Variants in FMN1 observed in about 807,000 individuals in gnomAD.
The protein encoded by FMN1 is formin 1.
Under a neutral mutation model 132.4 loss-of-function variants are expected in FMN1, and 110 were observed. That is an observed-to-expected ratio of 0.83 (90% CI 0.71 to 0.97). FMN1 has a LOEUF of 0.97. Among genes scored for constraint, FMN1 ranks in the 50% least tolerant of loss-of-function variants. The pLI, the probability that FMN1 is intolerant of heterozygous loss-of-function variation, is 0.00. For synonymous variants in FMN1, 722 were observed against 651.7 expected (o/e 1.11, Z -1.64); for missense variants, 1,792 against 1,705.3 (o/e 1.05, Z -0.90).
At chr15:33,095,739 G>C (rs1253745665) in intron 4 of FMN1, among the ~76,000 whole-genome samples, 1 of 152,042 alleles carries the variant, frequency 6.6e-6, no homozygotes, top group African/African-American at 2.4e-5. Flanking sequence ...AAGTAAATTT[G>C]AATAACATTT....
intron 9 of FMN1, among the ~76,000 whole-genome samples, chr15:32,963,776 AT>A (rs1047848593): frequency 1.1e-4 from 16 of 152,198 alleles, no homozygotes; most frequent in African/African-American, 3.9e-4. Flanking sequence ...TCCAGATTAA[AT>A]TTTGAAAATT....
At chr15:33,138,732 T>C (rs1963878966) in intron 4 of FMN1, among the ~76,000 whole-genome samples, 1 of 152,196 alleles carries the variant, frequency 6.6e-6, no homozygotes, top group African/African-American at 2.4e-5. Flanking sequence ...CTGGCTCAGA[T>C]ATCGGTTCAC....
At chr15:32,849,077 G>T (rs1038273195) in intron 17 of FMN1, among the ~76,000 whole-genome samples, 1 of 138,756 alleles carries the variant, frequency 7.2e-6, no homozygotes, top group Non-Finnish European at 1.5e-5. Context: ...TCTGCCTCCC[G>T]GGTTCATGCC....
chr15:33,140,193 AACACAC>A (rs61485667), intron 4 of FMN1, among the ~76,000 whole-genome samples: 1,507 of 142,928 alleles, frequency 0.011, 18 homozygotes, highest in African/African-American at 0.031. Flanking sequence ...CCTATGGTTA[AACACAC>A]ACACACACAC....
chr15:32,846,081 T>A (rs899857591), intron 17 of FMN1, among the ~76,000 whole-genome samples: 6 of 152,172 alleles, frequency 3.9e-5, no homozygotes, highest in African/African-American at 1.4e-4. Context: ...TCTCACTACA[T>A]TCAGATCACT....
intron 6 of FMN1, among the ~76,000 whole-genome samples, chr15:33,047,217 T>C (rs2036729268): frequency 6.6e-6 from 1 of 152,240 alleles, no homozygotes; most frequent in Non-Finnish European, 1.5e-5. Flanking sequence ...GCTTCCCTTC[T>C]TATATCTTCC....
At position 32,964,098 on chromosome 15, in the gene FMN1, A is replaced by C. The variant is rs1446997555; in HGVS notation, c.3138+9T>G. The C allele has an allele frequency of 6.2e-7, 1 of 1,604,676 alleles. No individual in the cohort carries two copies. The highest frequency in any genetic ancestry group is 8.5e-7 in the Non-Finnish European group (1 of 1,174,532). ...ATATAATTACAGCTTTGCCATAATC[A>C]CTCAGTACCTTTTTGACCTTGTTTT... On this transcript the variant is annotated intron_variant, in intron 9 of 20. Transcript: ENST00000616417.
chr15:32,790,243 C>A (rs993882461), intron 19 of FMN1, among the ~76,000 whole-genome samples: 2 of 152,150 alleles, frequency 1.3e-5, no homozygotes, highest in Non-Finnish European at 2.9e-5. Flanking sequence ...GTCTATGTAG[C>A]CAAATTCATC....
chr15:33,061,099 T>C (rs1359722275), intron 6 of FMN1, among the ~76,000 whole-genome samples: 1 of 152,164 alleles, frequency 6.6e-6, no homozygotes, highest in African/African-American at 2.4e-5. Flanking sequence ...GGACCTAAAA[T>C]ACATGTTAAA....
intron 4 of FMN1, among the ~76,000 whole-genome samples, chr15:33,124,926 T>TGC (rs1962909265): frequency 1.3e-5 from 2 of 152,082 alleles, no homozygotes. Context: ...AGATACTATG[T>TGC]GCCACTCCCC....
Position 33,153,281 on chromosome 15 carries a change from C to A in FMN1, c.1634G>T (p.Gly545Val). Residue 545 changes from glycine to valine, a missense_variant, in exon 4 of 21, where the codon GGT (glycine) becomes GTT (valine). Gly to Val is a moderately radical substitution (Grantham distance 109). Coordinates refer to ENST00000616417, the MANE Select transcript of FMN1 (RefSeq NM_001277313.2). ...HRILRLPALP[G>V]EREAALNDSP... is the part of the protein sequence containing the mutation. Reference sequence around the variant, plus strand: ...GTCATTAAGAGCAGCTTCCCTCTCACCAGGCAATGCAGGGAGCCGGAGGAT... The same window carrying A: ...GTCATTAAGAGCAGCTTCCCTCTCAACAGGCAATGCAGGGAGCCGGAGGAT... The A allele has an allele frequency of 1.3e-6, 2 of 1,536,196 alleles. No individual in the cohort carries two copies. Among genetic ancestry groups the A allele is most frequent in the African/African-American group, 1.4e-5 (1 of 73,168 alleles).
chr15:32,968,817 C>G lies in FMN1; in HGVS notation c.2884G>C (p.Gly962Arg). 6.4e-7 allele frequency: 1 copy of G among 1,560,602 alleles called. No homozygotes were observed. Among genetic ancestry groups the G allele is most frequent in the Non-Finnish European group, 8.7e-7 (1 of 1,146,636 alleles). ...CATTGACTGGAAGAAGAGCCAAGTC[C>G]AAAGAAGAGTCCAGGGGGAGGTGGG... ...APPPPPGLFFGLGSSSSQCPR... is the reference protein window; with the variant it reads ...APPPPPGLFFRLGSSSSQCPR... The change falls in exon 8 of 21, where the codon GGA (glycine) becomes CGA (arginine). Residue 962 changes from glycine to arginine, a missense_variant. This residue lies in a region of FMN1 where 1,150 missense variants were observed against 1,043.1 expected (regional missense o/e 1.10). Coordinates refer to ENST00000616417, the MANE Select transcript of FMN1 (RefSeq NM_001277313.2).
At chr15:32,999,026 C>T (rs2033940195) in intron 7 of FMN1, among the ~76,000 whole-genome samples, 1 of 152,184 alleles carries the variant, frequency 6.6e-6, no homozygotes, top group Non-Finnish European at 1.5e-5. Context: ...ATCTAGTAAC[C>T]TCACAACATT....
rs141265115 is a variant in FMN1, at chr15:32,863,651, G to A, written c.3836-6544C>T. 7.5e-3 allele frequency among the ~76,000 whole-genome samples: 1,147 copies of A among 152,222 alleles called. 15 individuals are homozygous for A. The highest frequency in any genetic ancestry group is 0.026 in the African/African-American group (1,086 of 41,532). ...CAGTAATTATTGTTTCTAGTAACTT[G>A]AACTGCAGGCAAACCTACGAGTTAT... On this transcript the variant is annotated intron_variant, in intron 16 of 20. Coordinates refer to ENST00000616417, the MANE Select transcript of FMN1 (RefSeq NM_001277313.2).
intron 6 of FMN1, among the ~76,000 whole-genome samples, chr15:33,015,820 T>G (rs1310833021): frequency 6.6e-6 from 1 of 152,248 alleles, no homozygotes. Context: ...CTTTTTATTT[T>G]GACAGTTAAA....
chr15:33,098,397 C>A (rs1304920526), intron 4 of FMN1, among the ~76,000 whole-genome samples: 1 of 152,166 alleles, frequency 6.6e-6, no homozygotes, highest in Admixed American at 6.5e-5. Context: ...TGAGCTCCCA[C>A]CTCCCCCTCT....
rs768133462 is a variant in FMN1, at chr15:33,031,733, G to A, written c.2162-23658C>T. ...TCTGGCTCTCACGACTGGCAAGCTG[G>A]AGGGCCAGGCTCATGAAATTCACAT... is the stretch of plus-strand genomic sequence containing the variant. On this transcript the variant is annotated intron_variant, in intron 6 of 20. Transcript: ENST00000616417. Among the ~76,000 whole-genome samples, 5 of 152,196 alleles carry A rather than the reference G, an allele frequency of 3.3e-5. No homozygotes were observed. The South Asian group carries it at 8.3e-4, about 25-fold the overall frequency.
chr15:33,150,194 A>G, intron 4 of FMN1: 2 of 985,444 alleles, frequency 2.0e-6, no homozygotes, highest in Non-Finnish European at 2.4e-6. Context: ...CTTTGAATCA[A>G]AGGTAAATGA....
intron 6 of FMN1, among the ~76,000 whole-genome samples, chr15:33,048,651 C>CAAAAACAAAAACAAAAACA (rs1338668794): frequency 1.7e-5 from 2 of 120,128 alleles, no homozygotes; most frequent in African/African-American, 3.0e-5. Flanking sequence ...AAAAAAAAAC[C>CAAAAACAAAAACAAAAACA]AACAGTTTAA....
Sources: gnomAD v4.1 joint callset for allele counts (sites outside exome capture counted in the v4.1 genomes callset) on GRCh38, gnomAD v4.1.1 for gene constraint, gnomAD v4.1.1 regional missense constraint, MANE v1.5 for transcripts, NCBI Gene and HGNC (gene_info 2026-07-23, HGNC 2026-07-21) for gene names.